NSD2: variants seen among roughly 807,000 people sequenced by gnomAD.
NSD2 encodes the protein nuclear receptor binding SET domain protein 2.
Under a neutral mutation model 139.0 loss-of-function variants are expected in NSD2, and 12 were observed. The ratio of observed to expected loss-of-function variants is 0.09; its 90% confidence interval spans 0.06 to 0.14. The LOEUF is 0.14. NSD2 is among the 10% of genes least tolerant of loss of function. The pLI is 1.00. For synonymous variants in NSD2, 669 were observed against 648.7 expected (o/e 1.03, Z -0.48); for missense variants, 1,155 against 1,745.0 (o/e 0.66, Z 6.02).
At chr4:1,938,869 A>G (rs1434669816) in intron 8 of NSD2, among the ~76,000 whole-genome samples, 1 of 152,168 alleles carries the variant, frequency 6.6e-6, no homozygotes. Context: ...GCCAGTTGCT[A>G]CTGTAAATTC....
intron 1 of NSD2, among the ~76,000 whole-genome samples, chr4:1,893,063 A>T (rs1382404238): frequency 6.6e-6 from 1 of 152,132 alleles, no homozygotes; most frequent in Non-Finnish European, 1.5e-5. Context: ...TCCAGTACCA[A>T]TCTGATTCCT....
At chr4:1,923,822 A>G (rs1720494221) in intron 5 of NSD2, among the ~76,000 whole-genome samples, 1 of 152,246 alleles carries the variant, frequency 6.6e-6, no homozygotes, top group Non-Finnish European at 1.5e-5. Flanking sequence ...GTAACTACAC[A>G]TCAATTAAAG....
At chr4:1,925,322 G>A (rs1237695498) in intron 5 of NSD2, among the ~76,000 whole-genome samples, 1 of 147,438 alleles carries the variant, frequency 6.8e-6, no homozygotes, top group Non-Finnish European at 1.5e-5. Flanking sequence ...GTCCCTAGAT[G>A]TAAGGCTGAC....
intron 1 of NSD2, among the ~76,000 whole-genome samples, chr4:1,900,367 G>A (rs562274441): frequency 3.9e-5 from 6 of 152,274 alleles, no homozygotes; most frequent in African/African-American, 1.4e-4. Context: ...TGGTATGACT[G>A]GAGTGTGCTG....
In NSD2 at chr4:1,953,431, C is replaced by T; in HGVS notation, c.2245C>T (p.Leu749=). 2 of 1,614,210 alleles carry T rather than the reference C, an allele frequency of 1.2e-6. No homozygotes were observed. Among genetic ancestry groups the T allele is most frequent in the Admixed American group, 1.7e-5 (1 of 60,028 alleles). The change falls in exon 12 of 22, where the codon CTG becomes TTG. Residue 749 remains leucine (L), a synonymous_variant. Transcript: ENST00000508803. The part of the protein sequence containing the change: ...YHEACVKKYP[L]TVFESRGFRC... Reference sequence around the variant, plus strand: ...TGAGGCTTGTGTGAAAAAATACCCTCTGACTGTATTTGAGAGCCGAGGTTT... The same window carrying T: ...TGAGGCTTGTGTGAAAAAATACCCTTTGACTGTATTTGAGAGCCGAGGTTT...
intron 3 of NSD2, among the ~76,000 whole-genome samples, chr4:1,911,599 A>G (rs918206119): frequency 6.8e-6 from 1 of 147,938 alleles, no homozygotes; most frequent in East Asian, 2.0e-4. Flanking sequence ...AAAAAAAAAA[A>G]AAAAAAAAGA....
rs1173773025 is a variant in NSD2 at position 1,981,848 on chromosome 4, G to GT, written c.*2942dup. On this transcript the variant is annotated 3_prime_UTR_variant, in exon 22 of 22. Coordinates refer to ENST00000508803, the MANE Select transcript of NSD2 (RefSeq NM_001042424.3). ...GATCCTATGAGTGTAGTTGATGACT[G>GT]TTTGTTAGTCAGTAGAGTAAAATGC... is the stretch of plus-strand genomic sequence containing the variant. The GT allele has an allele frequency of 3.5e-4, 135 of 389,106 alleles. No homozygotes were observed. Among genetic ancestry groups the GT allele is most frequent in the Middle Eastern group, 2.5e-3 (4 of 1,572 alleles). The allele number at this position is 389,106 out of a possible 1,614,324, so 24.1% of individuals were successfully genotyped here.
chr4:1,906,253 T>C (rs1717882447), intron 3 of NSD2, among the ~76,000 whole-genome samples: 1 of 152,208 alleles, frequency 6.6e-6, no homozygotes, highest in Admixed American at 6.5e-5. Context: ...AATTTCTTTT[T>C]TTGGGGATGG....
intron 9 of NSD2, chr4:1,944,577 G>T (rs983014021): frequency 9.4e-7 from 1 of 1,064,130 alleles, no homozygotes; most frequent in Non-Finnish European, 1.1e-6. Context: ...TTCACTAGAG[G>T]TGAAAACTTG....
chr4:1,954,741 G>A (rs1294783126), intron 12 of NSD2: 2 of 160,880 alleles, frequency 1.2e-5, no homozygotes, highest in African/African-American at 4.8e-5. Flanking sequence ...TTAGGTGTGT[G>A]GGATGAGGGT....
At chr4:1,944,516 A>G (rs1723421241) in intron 9 of NSD2, 5 of 1,065,132 alleles carry the variant, frequency 4.7e-6, no homozygotes, top group East Asian at 5.0e-5. Flanking sequence ...TCCACACACT[A>G]TGTCTGTGCT....
At chr4:1,937,116 A>G (rs149128516) in intron 7 of NSD2, among the ~76,000 whole-genome samples, 4 of 152,046 alleles carry the variant, frequency 2.6e-5, no homozygotes, top group African/African-American at 4.8e-5. Flanking sequence ...CAGTGGTGCA[A>G]TCTTCACTCA....
At chr4:1,945,301 A>AAG (rs1723505675) in intron 9 of NSD2, 1 of 1,064,596 alleles carries the variant, frequency 9.4e-7, no homozygotes, top group African/African-American at 1.6e-5. Flanking sequence ...CACCACAGGA[A>AAG]AGGAGGGAGG....
chr4:1,885,380 C>G (rs1233596995), intron 1 of NSD2, among the ~76,000 whole-genome samples: 1 of 152,158 alleles, frequency 6.6e-6, no homozygotes, highest in African/African-American at 2.4e-5. Flanking sequence ...TCTGCTGATT[C>G]AGAAAAAATA....
intron 1 of NSD2, chr4:1,893,861 A>G (rs1430013741): frequency 6.6e-6 from 1 of 151,998 alleles, no homozygotes; most frequent in Non-Finnish European, 1.5e-5. Flanking sequence ...TCATGTTTGA[A>G]TGATAATTTA....
Position 1,978,952 on chromosome 4 carries a change from G to A in NSD2, c.*43G>A. On this transcript the variant is annotated 3_prime_UTR_variant, in exon 22 of 22. Coordinates refer to ENST00000508803, the MANE Select transcript of NSD2 (RefSeq NM_001042424.3). ...GCCGGATCCAGGGGCGGTGCAGGGC[G>A]GCCGGCCCTGCCTGCGGGAGAGGGC... 6.9e-7 allele frequency: 1 copy of A among 1,449,466 alleles called. No individual in the cohort carries two copies. Among genetic ancestry groups the A allele is most frequent in the Non-Finnish European group, 9.1e-7 (1 of 1,098,976 alleles). The allele number at this position is 1,449,466 out of a possible 1,614,324, so 89.8% of individuals were successfully genotyped here. A position where few individuals can be genotyped will look rare whatever the true frequency, so the allele number is the denominator to read the frequency against.
At chr4:1,901,276 G>C in intron 2 of NSD2, 25 bp downstream of exon 2, 2 of 1,535,590 alleles carry the variant, frequency 1.3e-6, no homozygotes, top group Non-Finnish European at 1.7e-6. Context: ...TTGTGTAAGG[G>C]GTCATGTGAC....
At chr4:1,950,341 A>C (rs1724077602) in intron 9 of NSD2, among the ~76,000 whole-genome samples, 1 of 152,204 alleles carries the variant, frequency 6.6e-6, no homozygotes, top group African/African-American at 2.4e-5. Flanking sequence ...CAGGGATTCC[A>C]TGCCTTTATC....
At chr4:1,951,686 C>T (rs1382417193) in intron 10 of NSD2, among the ~76,000 whole-genome samples, 1 of 152,214 alleles carries the variant, frequency 6.6e-6, no homozygotes, top group African/African-American at 2.4e-5. Context: ...CAGTCCCGCC[C>T]CATCTGTCAG....
Sources: gnomAD v4.1 joint callset for allele counts (sites outside exome capture counted in the v4.1 genomes callset) on GRCh38, gnomAD v4.1.1 for gene constraint, MANE v1.5 for transcripts, NCBI Gene and HGNC (gene_info 2026-07-23, HGNC 2026-07-21) for gene names.